The following ZNF804B variants were observed in gnomAD, a reference collection of about 807,000 sequenced individuals.
ZNF804B encodes zinc finger protein 804B.
In ZNF804B, 80 loss-of-function variants were observed where a neutral mutation model predicts 101.4. The ratio of observed to expected loss-of-function variants is 0.79; its 90% CI spans 0.66 to 0.95. The LOEUF is 0.95. ZNF804B is among the 40% of genes least tolerant of loss of function. ZNF804B has a pLI of 0.00. For missense variants in ZNF804B, 1,673 were observed against 1,561.9 expected, an observed-to-expected ratio of 1.07 and a Z score of -1.20; for synonymous variants, 622 against 558.8, an observed-to-expected ratio of 1.11 and a Z score of -1.59.
chr7:89,208,081 G>GTTTTTTT (rs201597943), intron 1 of ZNF804B, among the ~76,000 whole-genome samples: 1 of 135,422 alleles, frequency 7.4e-6, no homozygotes, highest in Admixed American at 7.4e-5. Flanking sequence ...TATTTTATTG[G>GTTTTTTT]GTTTTTTTTT....
intron 1 of ZNF804B, among the ~76,000 whole-genome samples, chr7:88,787,021 C>A (rs2115673887): frequency 6.6e-6 from 1 of 152,162 alleles, no homozygotes; most frequent in South Asian, 2.1e-4. Context: ...GAAAAAAGTT[C>A]CTTGAGTTTG....
At chr7:89,267,993 G>A (rs1251724987) in intron 2 of ZNF804B, among the ~76,000 whole-genome samples, 3 of 151,924 alleles carry the variant, frequency 2.0e-5, no homozygotes, top group Non-Finnish European at 4.4e-5. Context: ...TATCTTTTCT[G>A]GAAATAATCT....
At chr7:89,084,730 C>T (rs146598316) in intron 1 of ZNF804B, among the ~76,000 whole-genome samples, 117 of 152,066 alleles carry the variant, frequency 7.7e-4, no homozygotes, top group African/African-American at 2.7e-3. Context: ...TACACACACA[C>T]ACATATTTAA....
intron 1 of ZNF804B, among the ~76,000 whole-genome samples, chr7:88,882,100 G>A (rs1792051426): frequency 6.6e-6 from 1 of 152,114 alleles, no homozygotes; most frequent in South Asian, 2.1e-4. Context: ...CCAGTGCTCA[G>A]CACCAGCTCA....
At chr7:88,859,201 G>A (rs1021521771) in intron 1 of ZNF804B, among the ~76,000 whole-genome samples, 35 of 152,110 alleles carry the variant, frequency 2.3e-4, no homozygotes, top group African/African-American at 6.0e-4. Context: ...GCATGTGTGT[G>A]TTTGTGTGTG....
chr7:89,304,350 AAT>A (rs1363229191), intron 2 of ZNF804B, among the ~76,000 whole-genome samples: 1 of 151,946 alleles, frequency 6.6e-6, no homozygotes, highest in African/African-American at 2.4e-5. Flanking sequence ...GCCTTAGTTC[AAT>A]GGGGTTGAGT....
chr7:88,827,866 G>A (rs1408113967), intron 1 of ZNF804B, among the ~76,000 whole-genome samples: 1 of 152,086 alleles, frequency 6.6e-6, no homozygotes, highest in Non-Finnish European at 1.5e-5. Context: ...CCTGCTAATA[G>A]ATAGCTACCT....
At chr7:89,333,055 T>C (rs1791011467) in intron 3 of ZNF804B, among the ~76,000 whole-genome samples, 1 of 151,988 alleles carries the variant, frequency 6.6e-6, no homozygotes, top group African/African-American at 2.4e-5. Context: ...TAAATCTGTA[T>C]TCCAAAGATT....
chr7:88,843,523 G>C (rs1200240805), intron 1 of ZNF804B, among the ~76,000 whole-genome samples: 1 of 152,066 alleles, frequency 6.6e-6, no homozygotes, highest in African/African-American at 2.4e-5. Flanking sequence ...AGATCACAAG[G>C]TCAGGAGATC....
chr7:88,982,081 C>A (rs944554187), intron 1 of ZNF804B, among the ~76,000 whole-genome samples: 5 of 151,888 alleles, frequency 3.3e-5, no homozygotes, highest in African/African-American at 1.2e-4. Flanking sequence ...TTCTTTCAAG[C>A]TGATTCTTTC....
Position 88,826,412 on chromosome 7 carries a change from C to T in ZNF804B, c.108+66328C>T, listed in dbSNP as rs183257450. 5.2e-3 allele frequency among the ~76,000 whole-genome samples: 797 copies of T among 152,202 alleles called. 4 individuals are homozygous for T. The highest frequency in any genetic ancestry group is 8.1e-3 in the Non-Finnish European group (553 of 68,000). ...AAATAGCTAATCTCTAAAGTGCCTT[C>T]CGGTTTGAAAATGTTATGATTCAGT... On this transcript the variant is annotated intron_variant, in intron 1 of 3. Transcript: ENST00000333190.
intron 1 of ZNF804B, chr7:88,794,931 C>A: frequency 6.3e-7 from 1 of 1,586,748 alleles, no homozygotes; most frequent in Non-Finnish European, 8.5e-7. Flanking sequence ...GGTTATGGAC[C>A]GAAAAGGACA....
At chr7:89,016,307 A>C (rs1357638852) in intron 1 of ZNF804B, among the ~76,000 whole-genome samples, 1 of 151,972 alleles carries the variant, frequency 6.6e-6, no homozygotes, top group African/African-American at 2.4e-5. Context: ...CTCTGCTGGT[A>C]GTTTCTTTTG....
chr7:89,019,674 A>G lies in ZNF804B; in HGVS notation c.109-198481A>G, dbSNP rs182786202. ...CTGGACCCTCCAATGTTAGATACAT[A>G]TATAATTATTATATCCTCTTACTGA... On this transcript the variant is annotated intron_variant, in intron 1 of 3. Transcript: ENST00000333190. 2.4e-3 allele frequency among the ~76,000 whole-genome samples: 365 copies of G among 152,154 alleles called. 2 individuals carry two copies. Among genetic ancestry groups the G allele is most frequent in the South Asian group, 4.4e-3 (21 of 4,826 alleles).
intron 1 of ZNF804B, among the ~76,000 whole-genome samples, chr7:88,944,744 A>C (rs957745919): frequency 1.3e-5 from 2 of 151,984 alleles, no homozygotes; most frequent in Middle Eastern, 3.4e-3. Context: ...AGCATCCCTA[A>C]TTTTAATTCA....
chr7:89,076,438 C>A (rs1789616139), intron 1 of ZNF804B, among the ~76,000 whole-genome samples: 1 of 152,174 alleles, frequency 6.6e-6, no homozygotes, highest in Non-Finnish European at 1.5e-5. Context: ...CTTCTCCTTG[C>A]CTTCTGCCAT....
chr7:89,278,920 G>A (rs1412719367), intron 2 of ZNF804B, among the ~76,000 whole-genome samples: 13 of 152,132 alleles, frequency 8.5e-5, no homozygotes, highest in Non-Finnish European at 1.8e-4. Flanking sequence ...GGATGGCATT[G>A]AATCTGTAAA....
At chr7:88,939,138 A>T (rs1309639397) in intron 1 of ZNF804B, among the ~76,000 whole-genome samples, 1 of 152,028 alleles carries the variant, frequency 6.6e-6, no homozygotes, top group Non-Finnish European at 1.5e-5. Flanking sequence ...CTTGGTATCC[A>T]TTGGGGATTG....
chr7:89,187,870 C>T (rs956817693), intron 1 of ZNF804B, among the ~76,000 whole-genome samples: 1 of 152,078 alleles, frequency 6.6e-6, no homozygotes, highest in African/African-American at 2.4e-5. Context: ...ATTAACCAAA[C>T]CCCTCTTTTA....
Sources: gnomAD v4.1 joint callset for allele counts (sites outside exome capture counted in the v4.1 genomes callset) on GRCh38, gnomAD v4.1.1 for gene constraint, MANE v1.5 for transcripts, NCBI Gene and HGNC (gene_info 2026-07-23, HGNC 2026-07-21) for gene names.